Variants in JMY observed in about 807,000 individuals in gnomAD.
JMY encodes junction-mediating and -regulatory protein.
Under a neutral mutation model 103.3 loss-of-function variants are expected in JMY, and 46 were observed. The observed-to-expected ratio is 0.45, with a 90% CI of 0.35 to 0.57. JMY has a LOEUF of 0.57. JMY is among the 20% of genes least tolerant of loss of function. The pLI is 0.00. For missense variants in JMY, 1,238 were observed against 1,255.2 expected, an observed-to-expected ratio of 0.99 and a Z score of 0.21; for synonymous variants, 526 against 489.3, an observed-to-expected ratio of 1.07 and a Z score of -0.99.
chr5:79,238,668 G>GTTTTA (rs1744602750), intron 1 of JMY, among the ~76,000 whole-genome samples: 4 of 66,354 alleles, frequency 6.0e-5, no homozygotes, highest in African/African-American at 1.6e-4. Flanking sequence ...TTTTTTTTTG[G>GTTTTA]AAGCAGTTTT....
Position 79,278,065 on chromosome 5 carries a change from A to G in JMY, c.1188A>G (p.Leu396=). Residue 396 remains leucine, a synonymous_variant, in exon 2 of 11, where the codon CTA becomes CTG. Transcript: ENST00000396137. The stretch of plus-strand genomic sequence containing the variant: ...GAGACATGAGAGAACTTGCCATGCT[A>G]CGAAGACAGCAGATCAAGGTATTTT... ...PFRDMRELAM[L]RRQQIKISME... 6.2e-7 allele frequency: 1 copy of G among 1,613,326 alleles called. No homozygotes were observed. Among genetic ancestry groups the G allele is most frequent in the East Asian group, 2.2e-5 (1 of 44,860 alleles).
At chr5:79,241,572 A>G (rs1744743155) in intron 1 of JMY, among the ~76,000 whole-genome samples, 1 of 152,198 alleles carries the variant, frequency 6.6e-6, no homozygotes, top group Non-Finnish European at 1.5e-5. Context: ...AAGAGGGGCT[A>G]TGGATGGATT....
At chr5:79,302,727 G>A (rs1379514770) in intron 6 of JMY, among the ~76,000 whole-genome samples, 1 of 152,198 alleles carries the variant, frequency 6.6e-6, no homozygotes, top group Non-Finnish European at 1.5e-5. Context: ...AAGCAAAGGG[G>A]TAGTATGAAC....
At position 79,326,064 on chromosome 5, in the gene JMY, T is replaced by A. The variant is rs1020398322; in HGVS notation, c.*4462T>A. ...CCCTTCTGCAGAGACATTATGCCACTGTAAGGTGCATGTACAGAAAATACC... is the reference window on the plus strand; with the variant it reads ...CCCTTCTGCAGAGACATTATGCCACAGTAAGGTGCATGTACAGAAAATACC... On this transcript the variant is annotated 3_prime_UTR_variant, in exon 11 of 11. Transcript: ENST00000396137. 2 of 152,230 alleles carry A rather than the reference T, an allele frequency of 1.3e-5. No homozygotes were observed. The highest frequency in any genetic ancestry group is 4.8e-5 in the African/African-American group (2 of 41,456). The allele number at this position is 152,230 out of a possible 1,614,324, so 9.4% of individuals were successfully genotyped here.
chr5:79,294,264 G>A (rs1746505901), intron 4 of JMY, among the ~76,000 whole-genome samples: 1 of 151,880 alleles, frequency 6.6e-6, no homozygotes, highest in Non-Finnish European at 1.5e-5. Flanking sequence ...AATTAGCCAG[G>A]TGGGTGGCGT....
chr5:79,290,879 G>A (rs1580358449), intron 3 of JMY, among the ~76,000 whole-genome samples: 1 of 152,068 alleles, frequency 6.6e-6, no homozygotes, highest in African/African-American at 2.4e-5. Flanking sequence ...CCAGCTACTC[G>A]GGAGGCTGAG....
chr5:79,294,249 C>T (rs1173064413), intron 4 of JMY, among the ~76,000 whole-genome samples: 1 of 151,604 alleles, frequency 6.6e-6, no homozygotes, highest in Non-Finnish European at 1.5e-5. Context: ...ACTAAAAATA[C>T]AAAAAATTAG....
At chr5:79,318,759 T>TAG (rs1337696613) in intron 10 of JMY, among the ~76,000 whole-genome samples, 241 of 20,494 alleles carry the variant, frequency 0.012, no homozygotes, top group Middle Eastern at 0.021. Context: ...TATATATATA[T>TAG]ATAGAGAGAG....
At chr5:79,321,152 G>A (rs906615040) in intron 10 of JMY, among the ~76,000 whole-genome samples, 1 of 152,142 alleles carries the variant, frequency 6.6e-6, no homozygotes, top group African/African-American at 2.4e-5. Context: ...TTATATAAAT[G>A]CTCCTGTGCT....
chr5:79,250,719 C>A (rs1481332422), intron 1 of JMY, among the ~76,000 whole-genome samples: 2 of 143,640 alleles, frequency 1.4e-5, no homozygotes, highest in Non-Finnish European at 3.0e-5. Flanking sequence ...TCTCACACTT[C>A]ACTAGAAATT....
intron 1 of JMY, among the ~76,000 whole-genome samples, chr5:79,248,720 A>G (rs1053710231): frequency 2.0e-5 from 3 of 151,990 alleles, no homozygotes; most frequent in Admixed American, 6.6e-5. Flanking sequence ...ACAGTTAAGG[A>G]TGTTAATTTC....
chr5:79,314,371 G>A lies in JMY; in HGVS notation c.2179G>A (p.Val727Met). 1 of 1,614,156 alleles carries A rather than the reference G, an allele frequency of 6.2e-7. No individual in the cohort carries two copies. The highest frequency in any genetic ancestry group is 1.3e-5 in the African/African-American group (1 of 75,024). ...QEDHCDSLPS[V>M]LQVEEKTEEV... is the part of the protein sequence containing the mutation. ...GGATCATTGTGACTCTTTACCAAGTGTGTTACAGGTAGAAGAGAAAACTGA... is the reference window on the plus strand; with the variant it reads ...GGATCATTGTGACTCTTTACCAAGTATGTTACAGGTAGAAGAGAAAACTGA... Residue 727 changes from valine to methionine, a missense_variant, in exon 9 of 11, where the codon GTG becomes ATG. Physicochemically the swap from Val to Met is conservative, Grantham distance 21. Coordinates refer to ENST00000396137, the MANE Select transcript of JMY (RefSeq NM_152405.5).
intron 1 of JMY, among the ~76,000 whole-genome samples, chr5:79,248,693 CT>C (rs1744982088): frequency 6.6e-6 from 1 of 152,058 alleles, no homozygotes; most frequent in South Asian, 2.1e-4. Flanking sequence ...ATTTTTCTGA[CT>C]AGTCCAGAAG....
intron 7 of JMY, among the ~76,000 whole-genome samples, chr5:79,309,679 T>G (rs1157832673): frequency 6.6e-6 from 1 of 152,342 alleles, no homozygotes; most frequent in Non-Finnish European, 1.5e-5. Flanking sequence ...ACTCTTCATT[T>G]TAACCACATA....
intron 1 of JMY, among the ~76,000 whole-genome samples, chr5:79,265,932 G>A (rs539864820): frequency 5.3e-5 from 8 of 151,990 alleles, no homozygotes; most frequent in East Asian, 3.9e-4. Context: ...TGGCATATGC[G>A]CCACCACACT....
At chr5:79,252,495 A>G (rs1316255505) in intron 1 of JMY, among the ~76,000 whole-genome samples, 1 of 152,136 alleles carries the variant, frequency 6.6e-6, no homozygotes, top group Non-Finnish European at 1.5e-5. Flanking sequence ...CCTATGATGC[A>G]AATTAAGTCC....
chr5:79,311,586 C>T (rs879373355), intron 7 of JMY, among the ~76,000 whole-genome samples: 2 of 152,076 alleles, frequency 1.3e-5, no homozygotes, highest in African/African-American at 2.4e-5. Flanking sequence ...AGAAAATAGA[C>T]AACCCATTTA....
At chr5:79,265,074 C>T (rs1483014816) in intron 1 of JMY, among the ~76,000 whole-genome samples, 6 of 151,896 alleles carry the variant, frequency 4.0e-5, no homozygotes, top group African/African-American at 9.7e-5. Context: ...TACAGGCGCC[C>T]GCCACCATGC....
chr5:79,290,337 C>A, intron 3 of JMY, 66 bp downstream of exon 3: 1 of 1,132,230 alleles, frequency 8.8e-7, no homozygotes. Flanking sequence ...ATTTTATGTT[C>A]AGAAAAATTA....
Sources: allele counts gnomAD v4.1 joint callset (sites outside exome capture counted in the v4.1 genomes callset), GRCh38; gene constraint gnomAD v4.1.1; transcripts MANE v1.5; gene names NCBI Gene and HGNC (gene_info 2026-07-23, HGNC 2026-07-21).